The following PTCHD1 variants were observed in gnomAD, a reference collection of about 807,000 sequenced individuals.
PTCHD1 encodes the protein patched domain containing 1, also known as patched domain-containing protein 1.
PTCHD1 carries 3 observed loss-of-function variants against 34.6 expected under a neutral mutation model. The observed-to-expected ratio is 0.09, with a 90% confidence interval of 0.04 to 0.22. PTCHD1 has a LOEUF of 0.22. Among genes scored for constraint, PTCHD1 ranks in the 10% least tolerant of loss-of-function variants. PTCHD1 has a pLI of 1.00. For synonymous variants in PTCHD1, 305 were observed against 283.1 expected (o/e 1.08, Z -0.77); for missense variants, 504 against 685.5 (o/e 0.74, Z 2.96).
At chrX:23,338,336 A>T (rs1449903539) in intron 1 of PTCHD1, among the ~76,000 whole-genome samples, 1 of 112,474 alleles carries the variant, frequency 8.9e-6, no homozygotes, top group East Asian at 2.8e-4. Context: ...AAGATCCATG[A>T]TGTTCATCTC....
chrX:23,348,177 CAT>C (rs1208631712), intron 1 of PTCHD1, among the ~76,000 whole-genome samples: 2 of 108,502 alleles, frequency 1.8e-5, no homozygotes, highest in Non-Finnish European at 3.8e-5. Context: ...TTGATGAACT[CAT>C]CAGTAGACTT....
chrX:23,358,670 T>C (rs1921882842), intron 1 of PTCHD1, among the ~76,000 whole-genome samples: 1 of 112,298 alleles, frequency 8.9e-6, no homozygotes, highest in Non-Finnish European at 1.9e-5. Flanking sequence ...CATTTGTCTA[T>C]GTTGGCTTTT....
intron 1 of PTCHD1, among the ~76,000 whole-genome samples, chrX:23,352,772 C>G (rs1921674819): frequency 8.9e-6 from 1 of 112,121 alleles, no homozygotes; most frequent in Admixed American, 9.4e-5. Context: ...GTGGCCTACT[C>G]CAAATACAGT....
At chrX:23,376,131 G>A (rs774831982) in intron 1 of PTCHD1, among the ~76,000 whole-genome samples, 1 of 111,978 alleles carries the variant, frequency 8.9e-6, no homozygotes, top group African/African-American at 3.2e-5. Context: ...GCTAAATTCA[G>A]GAAAATTATC....
At chrX:23,379,203 G>A (rs1601913934) in intron 1 of PTCHD1, among the ~76,000 whole-genome samples, 1 of 112,350 alleles carries the variant, frequency 8.9e-6, no homozygotes, top group African/African-American at 3.2e-5. Context: ...GACCAATTGG[G>A]TCACAAATAA....
At chrX:23,351,505 T>C (rs139040153) in intron 1 of PTCHD1, 10,833 of 414,855 alleles carry the variant, frequency 0.026, 494 homozygotes, top group South Asian at 0.15. Flanking sequence ...GTTTTGAAGA[T>C]AACTGACTCC....
chrX:23,354,146 C>T (rs573925695), intron 1 of PTCHD1, among the ~76,000 whole-genome samples: 209 of 110,914 alleles, frequency 1.9e-3, no homozygotes, highest in Middle Eastern at 9.3e-3. Context: ...GCCGAGGAAG[C>T]GGGAAGTACA....
intron 1 of PTCHD1, among the ~76,000 whole-genome samples, chrX:23,366,266 A>G (rs967621615): frequency 8.9e-6 from 1 of 111,915 alleles, no homozygotes; most frequent in African/African-American, 3.3e-5. Flanking sequence ...TAGCTACCAC[A>G]CTGCAGGCAG....
At chrX:23,359,323 T>C (rs185140905) in intron 1 of PTCHD1, among the ~76,000 whole-genome samples, 4 of 112,302 alleles carry the variant, frequency 3.6e-5, no homozygotes, top group East Asian at 2.8e-4. Context: ...TTTTATTTCA[T>C]TGAGCAGTGG....
rs1227442634 is a variant in PTCHD1, at chrX:23,380,226, C to G, written c.987C>G (p.Phe329Leu). 2 of 1,210,013 alleles carry G rather than the reference C, an allele frequency of 1.7e-6. No individual in the cohort carries two copies. The highest frequency in any genetic ancestry group is 2.2e-5 in the Admixed American group (1 of 46,062). ...NLTGGKYNST[F>L]LGVPFVMLGH... Reference sequence around the variant, plus strand: ...CTGGTGGGAAATATAATTCCACCTTCCTGGGAGTCCCTTTCGTCATGCTAG... The same window carrying G: ...CTGGTGGGAAATATAATTCCACCTTGCTGGGAGTCCCTTTCGTCATGCTAG... The change falls in exon 2 of 3, where the codon TTC becomes TTG. Residue 329 changes from phenylalanine (F) to leucine (L), a missense_variant. Phe to Leu is a conservative substitution (Grantham distance 22, BLOSUM62 0). Transcript: ENST00000379361.
chrX:23,339,744 G>C (rs1462267027), intron 1 of PTCHD1, among the ~76,000 whole-genome samples: 1 of 112,135 alleles, frequency 8.9e-6, no homozygotes, highest in Non-Finnish European at 1.9e-5. Context: ...TTTCAGCCTA[G>C]TTTTTAACGT....
chrX:23,366,848 G>A (rs1392046208), intron 1 of PTCHD1, among the ~76,000 whole-genome samples: 8 of 109,514 alleles, frequency 7.3e-5, no homozygotes, highest in South Asian at 8.0e-4. Flanking sequence ...AAGATCCTCC[G>A]TCGTCTGACC....
intron 1 of PTCHD1, among the ~76,000 whole-genome samples, chrX:23,340,897 AC>A (rs1349770645): frequency 4.5e-5 from 5 of 112,047 alleles, no homozygotes; most frequent in Non-Finnish European, 9.4e-5. Flanking sequence ...CAGTCAATTG[AC>A]TTTTACTCTT....
intron 1 of PTCHD1, among the ~76,000 whole-genome samples, chrX:23,340,514 G>A (rs748663579): frequency 2.9e-4 from 33 of 112,106 alleles, no homozygotes; most frequent in Non-Finnish European, 5.3e-4. Context: ...AGCAGCAGTC[G>A]CCCACTTAGG....
intron 2 of PTCHD1, among the ~76,000 whole-genome samples, chrX:23,380,883 C>T (rs1427411757): frequency 5.4e-5 from 6 of 111,089 alleles, no homozygotes; most frequent in African/African-American, 2.0e-4. Context: ...CCAGCACTTC[C>T]CAGGGAGGTG....
At chrX:23,363,098 C>T (rs766540592) in intron 1 of PTCHD1, among the ~76,000 whole-genome samples, 2 of 112,561 alleles carry the variant, frequency 1.8e-5, no homozygotes, top group South Asian at 3.7e-4. Context: ...TTAGGCTACA[C>T]GGGTGTCAGG....
chrX:23,358,936 T>C (rs975787779), intron 1 of PTCHD1, among the ~76,000 whole-genome samples: 1 of 112,402 alleles, frequency 8.9e-6, no homozygotes, highest in African/African-American at 3.2e-5. Context: ...CTTGTCCGGC[T>C]TGTCAAAGAT....
intron 1 of PTCHD1, among the ~76,000 whole-genome samples, chrX:23,343,161 A>G (rs1921387397): frequency 8.9e-6 from 1 of 112,709 alleles, no homozygotes; most frequent in African/African-American, 3.2e-5. Flanking sequence ...TAGCATGACC[A>G]TGTGATTTCT....
intron 1 of PTCHD1, among the ~76,000 whole-genome samples, chrX:23,358,671 G>T (rs778856832): frequency 1.1e-3 from 118 of 111,933 alleles, no homozygotes; most frequent in Middle Eastern, 4.6e-3. Flanking sequence ...ATTTGTCTAT[G>T]TTGGCTTTTG....
Sources: gnomAD v4.1 joint callset for allele counts (sites outside exome capture counted in the v4.1 genomes callset) on GRCh38, gnomAD v4.1.1 for gene constraint, MANE v1.5 for transcripts, NCBI Gene and HGNC (gene_info 2026-07-23, HGNC 2026-07-21) for gene names.